Variants in FRMD4A observed in about 807,000 individuals in gnomAD.
The protein encoded by FRMD4A is FERM domain-containing protein 4A.
A neutral mutation model predicts 129.1 loss-of-function variants in FRMD4A; 29 were observed. That is an observed-to-expected ratio of 0.22 (90% CI 0.17 to 0.31). The LOEUF (loss-of-function observed/expected upper bound fraction) is 0.31, where lower values mean the gene tolerates loss of function less well. Ranked by LOEUF, FRMD4A falls within the 10% of genes least tolerant of loss-of-function variation. The pLI is 1.00. For synonymous variants in FRMD4A, 634 were observed against 571.6 expected (o/e 1.11, Z -1.56); for missense variants, 1,272 against 1,375.8 (o/e 0.92, Z 1.19).
intron 5 of FRMD4A, among the ~76,000 whole-genome samples, chr10:13,788,237 C>G (rs891031541): frequency 6.6e-6 from 1 of 152,172 alleles, no homozygotes; most frequent in African/African-American, 2.4e-5. Context: ...CCTCTCGGCT[C>G]TCACACCCAG....
intron 2 of FRMD4A, among the ~76,000 whole-genome samples, chr10:14,123,746 G>A (rs1212509701): frequency 6.6e-6 from 1 of 152,194 alleles, no homozygotes; most frequent in African/African-American, 2.4e-5. Context: ...GAACTGTTCT[G>A]GAGCTGAAGT....
intron 2 of FRMD4A, among the ~76,000 whole-genome samples, chr10:14,216,045 G>A (rs1047322351): frequency 6.6e-6 from 1 of 152,070 alleles, no homozygotes; most frequent in Middle Eastern, 3.2e-3. Context: ...TCCACTACAC[G>A]TTCTGTAGCG....
At chr10:14,057,849 C>T (rs1034635292) in intron 2 of FRMD4A, among the ~76,000 whole-genome samples, 1 of 152,178 alleles carries the variant, frequency 6.6e-6, no homozygotes, top group African/African-American at 2.4e-5. Context: ...GGATTACAAG[C>T]GTGAGCCACA....
In FRMD4A at chr10:13,821,048, C is replaced by T. The variant is rs2093622705; in HGVS notation, c.112-10140G>A. ...GCCGGGTCTGAAGCCTGGGCTGTCA[C>T]TGTGTGTCCCTCTCCATCCCCATGG... On this transcript the variant is annotated intron_variant, in intron 3 of 24. Coordinates refer to ENST00000357447, the MANE Select transcript of FRMD4A (RefSeq NM_018027.5). This position sits in a 1 kb window ranked among gnomAD's most constrained non-coding sequence, Gnocchi z 4.3. 6.6e-6 allele frequency among the ~76,000 whole-genome samples: 1 copy of T among 152,226 alleles called. No individual in the cohort carries two copies. The highest frequency in any genetic ancestry group is 6.5e-5 in the Admixed American group (1 of 15,294).
intron 2 of FRMD4A, among the ~76,000 whole-genome samples, chr10:14,217,448 G>A (rs11258946): frequency 0.064 from 9,677 of 152,240 alleles, 445 homozygotes; most frequent in South Asian, 0.12. Context: ...AACCCCTTTC[G>A]TCTGGGTTCC....
chr10:13,654,482 G>T lies in FRMD4A; in HGVS notation c.2984C>A (p.Thr995Lys). 2 of 1,613,812 alleles carry T rather than the reference G, an allele frequency of 1.2e-6. No individual in the cohort carries two copies. The highest frequency in any genetic ancestry group is 1.7e-6 in the Non-Finnish European group (2 of 1,179,702). ...GGTGGCTCCAATTTCACTTGACGGT[G>T]TCGAGCTTCTCTGGCTTTGAGGTAA... ...AALPQSQRSS[T>K]PSSEIGATPP... Residue 995 changes from threonine to lysine, a missense_variant, in exon 23 of 25, where the codon ACA becomes AAA. Around this residue, in one of 2 missense-constraint regions of FRMD4A, gnomAD observed 972 missense variants for 892.3 expected, o/e 1.09. Transcript: ENST00000357447.
At chr10:13,797,214 C>G (rs762970434) in intron 4 of FRMD4A, among the ~76,000 whole-genome samples, 4 of 152,154 alleles carry the variant, frequency 2.6e-5, no homozygotes, top group Admixed American at 6.5e-5. Context: ...TGTCCTGAAC[C>G]GCCTTTCCAC....
At position 14,207,798 on chromosome 10, in the gene FRMD4A, C is replaced by G. The variant is rs569628923; in HGVS notation, c.45+122260G>C. Among the ~76,000 whole-genome samples the G allele has an allele frequency of 6.6e-5, 10 of 152,004 alleles. No individual in the cohort carries two copies. The South Asian group carries it at 2.1e-3, about 32-fold the overall frequency. Reference sequence around the variant, plus strand: ...TGGGGTTACTAGTGTTTTTTATATACTTTTTTATTTCCCTCTTTATACTGT... The same window carrying G: ...TGGGGTTACTAGTGTTTTTTATATAGTTTTTTATTTCCCTCTTTATACTGT... On this transcript the variant is annotated intron_variant, in intron 2 of 24. Transcript: ENST00000357447.
rs190120037 is a variant in FRMD4A at position 13,737,107 on chromosome 10, T to G, written c.759+737A>C. 1.5e-3 allele frequency among the ~76,000 whole-genome samples: 221 copies of G among 152,380 alleles called. 1 individual carries two copies. The highest frequency in any genetic ancestry group is 3.9e-4 in the East Asian group (2 of 5,184). On this transcript the variant is annotated intron_variant, in intron 12 of 24. Coordinates refer to ENST00000357447, the MANE Select transcript of FRMD4A (RefSeq NM_018027.5). ...TTTTCAGCTTTTCTGTTTTTTGTTT[T>G]GAGACAAAGTCTTGTTCTGTCACCC...
At chr10:14,160,655 A>G (rs948488223) in intron 2 of FRMD4A, among the ~76,000 whole-genome samples, 1 of 152,250 alleles carries the variant, frequency 6.6e-6, no homozygotes, top group Non-Finnish European at 1.5e-5. Flanking sequence ...ATTTCTCAAA[A>G]GAAGACATAC....
At chr10:13,878,877 G>C (rs1331520971) in intron 2 of FRMD4A, among the ~76,000 whole-genome samples, 1 of 143,418 alleles carries the variant, frequency 7.0e-6, no homozygotes, top group African/African-American at 2.7e-5. Flanking sequence ...TCTGTGACTA[G>C]ATAATAGTAT....
chr10:13,814,675 G>A (rs1481804311), intron 3 of FRMD4A, among the ~76,000 whole-genome samples: 1 of 142,892 alleles, frequency 7.0e-6, no homozygotes, highest in Admixed American at 6.9e-5. Context: ...GAGAGCAAGA[G>A]AAAGAAAGAG....
At chr10:14,230,353 T>C (rs1403652370) in intron 2 of FRMD4A, among the ~76,000 whole-genome samples, 1 of 152,232 alleles carries the variant, frequency 6.6e-6, no homozygotes, top group Admixed American at 6.5e-5. Context: ...TAAGTACAAA[T>C]GCGTGTCCTG....
chr10:13,750,961 C>G (rs1200206163), intron 8 of FRMD4A, among the ~76,000 whole-genome samples: 1 of 152,212 alleles, frequency 6.6e-6, no homozygotes, highest in East Asian at 1.9e-4. Flanking sequence ...CTCCCTGCGT[C>G]ATGGTAAGTT....
At chr10:13,808,154 C>CACTT (rs1387678699) in intron 4 of FRMD4A, among the ~76,000 whole-genome samples, 2 of 152,196 alleles carry the variant, frequency 1.3e-5, no homozygotes, top group African/African-American at 2.4e-5. Flanking sequence ...GAGTATCTTG[C>CACTT]ACTTGTACGG....
intron 14 of FRMD4A, among the ~76,000 whole-genome samples, chr10:13,696,517 G>T (rs1206585487): frequency 6.6e-6 from 1 of 152,202 alleles, no homozygotes. Context: ...GCCGAGGTGG[G>T]TGGATCACTT....
chr10:13,933,738 C>T (rs1429181103), intron 2 of FRMD4A, among the ~76,000 whole-genome samples: 2 of 152,158 alleles, frequency 1.3e-5, no homozygotes, highest in Admixed American at 6.5e-5. Context: ...TGGCCAATGT[C>T]TGTTGCCTCT....
chr10:13,964,973 T>C (rs554194895), intron 2 of FRMD4A, among the ~76,000 whole-genome samples: 4 of 152,022 alleles, frequency 2.6e-5, no homozygotes, highest in Non-Finnish European at 5.9e-5. Context: ...CGTGAGCCAC[T>C]GCGCCTGGCC....
At chr10:13,651,686 C>T (rs2081601538) in intron 24 of FRMD4A, 2 of 562,226 alleles carry the variant, frequency 3.6e-6, no homozygotes, top group East Asian at 3.1e-5. Context: ...ACAAAACATA[C>T]TCTGGGGGTC....
Sources: gnomAD v4.1 joint callset for allele counts (sites outside exome capture counted in the v4.1 genomes callset) on GRCh38, gnomAD v4.1.1 for gene constraint, gnomAD v4.1.1 regional missense constraint, Gnocchi (gnomAD v3.1) non-coding constraint, MANE v1.5 for transcripts, NCBI Gene and HGNC (gene_info 2026-07-23, HGNC 2026-07-21) for gene names.